Variants in ITGA3 observed in about 807,000 individuals in gnomAD.
ITGA3 encodes the protein integrin alpha-3.
A neutral mutation model predicts 131.1 loss-of-function variants in ITGA3; 70 were observed. The ratio of observed to expected loss-of-function variants is 0.53; its 90% CI spans 0.44 to 0.65. ITGA3 has a LOEUF of 0.65. Among genes scored for constraint, ITGA3 ranks in the 30% least tolerant of loss-of-function variants. ITGA3 has a pLI of 0.00. For synonymous variants in ITGA3, 537 were observed against 571.6 expected, an observed-to-expected ratio of 0.94 and a Z score of 0.86; for missense variants, 1,098 against 1,388.6, an observed-to-expected ratio of 0.79 and a Z score of 3.33.
rs1909084484 is a variant in ITGA3, at chr17:50,079,494, A to G, written c.2643A>G (p.Gly881=). 5.7e-6 allele frequency: 9 copies of G among 1,577,194 alleles called. No homozygotes were observed. Among genetic ancestry groups the G allele is most frequent in the South Asian group, 1.2e-5 (1 of 85,742 alleles). The change falls in exon 21 of 26, where the codon GGA becomes GGG. Residue 881 remains glycine, a synonymous_variant. Transcript: ENST00000320031. ...QRRRRQLDPG[G]GQGPPPVTLA... The stretch of plus-strand genomic sequence containing the variant: ...GGCGGCGACAGCTGGATCCAGGGGG[A>G]GGCCAGGGCCCCCCACCTGTCACTC...
chr17:50,089,293 C>T lies in ITGA3; in HGVS notation c.*215C>T. On this transcript the variant is annotated 3_prime_UTR_variant, in exon 26 of 26. Coordinates refer to ENST00000320031, the MANE Select transcript of ITGA3 (RefSeq NM_002204.4). ...TCCTCCCTGATCCCACCCCCTCCTC[C>T]CCCAGTGTCCCCTTTCTTCCTATTT... 1 of 1,592,360 alleles carries T rather than the reference C, an allele frequency of 6.3e-7. No individual in the cohort carries two copies. The highest frequency in any genetic ancestry group is 8.6e-7 in the Non-Finnish European group (1 of 1,163,494).
chr17:50,082,142 G>A (rs191652039), intron 23 of ITGA3, among the ~76,000 whole-genome samples: 300 of 151,394 alleles, frequency 2.0e-3, no homozygotes, highest in African/African-American at 7.0e-3. Flanking sequence ...CATGTACCAC[G>A]ATGCCCAGCT....
intron 6 of ITGA3, 57 bp from the exon 7 acceptor site, chr17:50,071,929 C>T: frequency 1.3e-6 from 2 of 1,485,126 alleles, no homozygotes; most frequent in South Asian, 1.2e-5. Context: ...CAAACAAGAA[C>T]TATGCTGCAT....
At chr17:50,067,329 A>G (rs936335431) in intron 3 of ITGA3, among the ~76,000 whole-genome samples, 1 of 152,192 alleles carries the variant, frequency 6.6e-6, no homozygotes, top group Non-Finnish European at 1.5e-5. Flanking sequence ...TTTGCCCAAT[A>G]AATATATACT....
At chr17:50,061,757 C>T (rs1210517946) in intron 1 of ITGA3, among the ~76,000 whole-genome samples, 1 of 152,186 alleles carries the variant, frequency 6.6e-6, no homozygotes, top group Non-Finnish European at 1.5e-5. Context: ...TTCCTGGGTC[C>T]AGCCAGGCAC....
In ITGA3 at chr17:50,064,597, G is replaced by A; in HGVS notation, c.404G>A (p.Gly135Asp). ...GVTVASQGPA[G>D]RVLVCAHRYT... The stretch of plus-strand genomic sequence containing the variant: ...ACTGTGGCCAGCCAGGGCCCTGCAG[G>A]CAGAGTTCTGGTAAGTGGGTGCTCA... Residue 135 changes from glycine (G) to aspartate (D), a missense_variant, in exon 3 of 26, where the codon GGC (glycine) becomes GAC (aspartate). This residue lies in a region of ITGA3 where 356 missense variants were observed against 529.2 expected (regional missense o/e 0.67). Transcript: ENST00000320031. This position sits in a 1 kb window ranked among gnomAD's most constrained non-coding sequence, Gnocchi z 4.4. 6.2e-7 allele frequency: 1 copy of A among 1,612,344 alleles called. No homozygotes were observed. The highest frequency in any genetic ancestry group is 8.5e-7 in the Non-Finnish European group (1 of 1,179,558).
At position 50,076,625 on chromosome 17, in the gene ITGA3, G is replaced by C. The variant is rs757065777; in HGVS notation, c.1866G>C (p.Glu622Asp). The change falls in exon 14 of 26, where the codon GAG (glutamate) becomes GAC (aspartate). Residue 622 changes from glutamate (E) to aspartate (D), a missense_variant. Physicochemically the swap from Glu to Asp is conservative, Grantham distance 45. Transcript: ENST00000320031. ...AGTGCGGGCCTGACAACAAGTGTGAGAGCAACTTGCAGATGCGGGCAGCCT... is the reference window on the plus strand; with the variant it reads ...AGTGCGGGCCTGACAACAAGTGTGACAGCAACTTGCAGATGCGGGCAGCCT... Reference protein sequence around the residue: ...QKECGPDNKCESNLQMRAAFV... With the variant: ...QKECGPDNKCDSNLQMRAAFV... The C allele has an allele frequency of 3.7e-6, 6 of 1,613,596 alleles. No homozygotes were observed. The highest frequency in any genetic ancestry group is 5.1e-6 in the Non-Finnish European group (6 of 1,179,962).
rs1472058618 is a variant in ITGA3 at position 50,077,065 on chromosome 17, G to T, written c.2014G>T (p.Glu672Ter). ...GGAGCGCTCCGGGGAGGACGCCCAC[G>T]AGGCGCTGCTCACCCTGGTGGTGCC... ...TSERSGEDAH[E>*]ALLTLVVPPA... Residue 672 changes from glutamate to a stop codon, truncating the protein, a stop_gained, in exon 15 of 26, where the codon GAG (glutamate) becomes TAG (stop). Coordinates refer to ENST00000320031, the MANE Select transcript of ITGA3 (RefSeq NM_002204.4). LOFTEE classifies it high-confidence loss of function. 6.2e-7 allele frequency: 1 copy of T among 1,600,410 alleles called. No homozygotes were observed. The highest frequency in any genetic ancestry group is 1.3e-5 in the African/African-American group (1 of 74,632).
intron 25 of ITGA3, 135 bp from the exon 26 acceptor site, chr17:50,088,973 CAG>C (rs1397189911): frequency 1.7e-5 from 12 of 701,624 alleles, no homozygotes; most frequent in Non-Finnish European, 3.1e-5. Context: ...TATCTCAGTG[CAG>C]AGAGATGGGA....
intron 19 of ITGA3, 43 bp from the exon 20 acceptor site, chr17:50,079,033 G>C: frequency 6.3e-7 from 1 of 1,589,222 alleles, no homozygotes; most frequent in Non-Finnish European, 8.6e-7. Context: ...GATGGAGGTG[G>C]TTTTCCAGGA....
At position 50,062,533 on chromosome 17, in the gene ITGA3, C is replaced by A. The variant is rs577384668; in HGVS notation, c.207-1544C>A. Among the ~76,000 whole-genome samples the A allele has an allele frequency of 1.3e-4, 20 of 152,364 alleles. No homozygotes were observed. In the South Asian group the frequency reaches 4.1e-3, roughly 32 times the overall value. Reference sequence around the variant, plus strand: ...CCCTGGCCAGGAAGCTTCACCCCTTCTCCCAGGAACACTTCCCCAGGGTGA... The same window carrying A: ...CCCTGGCCAGGAAGCTTCACCCCTTATCCCAGGAACACTTCCCCAGGGTGA... On this transcript the variant is annotated intron_variant, in intron 1 of 25. Coordinates refer to ENST00000320031, the MANE Select transcript of ITGA3 (RefSeq NM_002204.4).
intron 23 of ITGA3, among the ~76,000 whole-genome samples, chr17:50,085,259 G>T (rs904067391): frequency 5.3e-5 from 8 of 151,780 alleles, no homozygotes; most frequent in Non-Finnish European, 1.2e-4. Flanking sequence ...GGTTGCTGAA[G>T]GGTGTATGTG....
rs750143376 is a variant in ITGA3, at chr17:50,090,346, C to T, written c.*1268C>T. The T allele has an allele frequency of 8.6e-5, 37 of 429,956 alleles. No homozygotes were observed. Among genetic ancestry groups the T allele is most frequent in the South Asian group, 5.7e-4 (36 of 63,276 alleles). 26.6% of individuals were successfully genotyped at this position (429,956 alleles called of 1,614,324 possible). The stretch of plus-strand genomic sequence containing the variant: ...CTAGTTCCAGAAAACCTCTCCTGAC[C>T]CCTGCCTGTTGGCAGGCCCACTCCC... On this transcript the variant is annotated 3_prime_UTR_variant, in exon 26 of 26. Transcript: ENST00000320031.
chr17:50,077,235 C>A, intron 15 of ITGA3, 114 bp downstream of exon 15: 1 of 1,313,436 alleles, frequency 7.6e-7, no homozygotes, highest in South Asian at 1.4e-5. Flanking sequence ...CTCCTCTGGT[C>A]TGGGCCTTCT....
At position 50,078,877 on chromosome 17, in the gene ITGA3, G is replaced by A. The variant is rs1176098282; in HGVS notation, c.2351G>A (p.Gly784Asp). ...FFGGTVMGESGMKTVEDVGSP... is the reference protein window; with the variant it reads ...FFGGTVMGESDMKTVEDVGSP... ...GGGGGGACAGTGATGGGTGAGTCTG[G>A]CATGAAAACTGTGGAGGATGTAGGA... is the stretch of plus-strand genomic sequence containing the variant. Residue 784 changes from glycine to aspartate, a missense_variant, in exon 19 of 26, where the codon GGC (glycine) becomes GAC (aspartate). Around this residue, in one of 3 missense-constraint regions of ITGA3, gnomAD observed 699 missense variants for 829.2 expected, o/e 0.84. Coordinates refer to ENST00000320031, the MANE Select transcript of ITGA3 (RefSeq NM_002204.4). 14 of 1,613,642 alleles carry A rather than the reference G, an allele frequency of 8.7e-6. No individual in the cohort carries two copies. The highest frequency in any genetic ancestry group is 1.2e-5 in the Non-Finnish European group (14 of 1,179,584).
chr17:50,076,323 C>A lies in ITGA3; in HGVS notation c.1675-3C>A, dbSNP rs1277951073. ...CCGGGCTCAGCTCACCCTCTCTCCC[C>A]AGGACAACCTCCGTGACAAACTCCG... On this transcript the variant is annotated splice_region_variant and splice_polypyrimidine_tract_variant and intron_variant, in intron 12 of 25. Transcript: ENST00000320031. 1.2e-6 allele frequency: 2 copies of A among 1,613,076 alleles called. No individual in the cohort carries two copies. Among genetic ancestry groups the A allele is most frequent in the Non-Finnish European group, 1.7e-6 (2 of 1,179,646 alleles).
intron 3 of ITGA3, among the ~76,000 whole-genome samples, 189 bp from the exon 4 acceptor site, chr17:50,067,866 TC>T: frequency 6.6e-6 from 1 of 152,218 alleles, no homozygotes; most frequent in Non-Finnish European, 1.5e-5. Context: ...CAAAAAGTGT[TC>T]CTGACCCTCA....
chr17:50,068,390 C>T (rs1908436076), intron 4 of ITGA3, 85 bp downstream of exon 4: 2 of 1,466,788 alleles, frequency 1.4e-6, no homozygotes, highest in Admixed American at 1.8e-5. Flanking sequence ...TGGCCTAGAC[C>T]ATCCACACTA....
intron 23 of ITGA3, chr17:50,087,350 C>T (rs116696283): frequency 0.011 from 1,783 of 166,854 alleles, 33 homozygotes; most frequent in African/African-American, 0.039. Flanking sequence ...TGCTTTTGGT[C>T]GTTCTGCTAT....
Sources: allele counts gnomAD v4.1 joint callset (sites outside exome capture counted in the v4.1 genomes callset), GRCh38; gene constraint gnomAD v4.1.1; regional missense constraint gnomAD v4.1.1; non-coding constraint Gnocchi (gnomAD v3.1); transcripts MANE v1.5; gene names NCBI Gene and HGNC (gene_info 2026-07-23, HGNC 2026-07-21).